HMGA2: variants seen among roughly 807,000 people sequenced by gnomAD.
The protein encoded by HMGA2 is high mobility group AT-hook 2, also known as high mobility group protein HMGI-C.
In HMGA2, 8 loss-of-function variants were observed where a neutral mutation model predicts 19.1. The observed-to-expected ratio is 0.42, with a 90% CI of 0.25 to 0.76. The LOEUF (loss-of-function observed/expected upper bound fraction) is 0.76. HMGA2 is among the 30% of genes least tolerant of loss of function. The pLI, the probability that HMGA2 is intolerant of heterozygous loss-of-function variation, is 0.28. For missense variants in HMGA2, 109 were observed against 136.3 expected, an observed-to-expected ratio of 0.80 and a Z score of 1.00; for synonymous variants, 60 against 48.8, an observed-to-expected ratio of 1.23 and a Z score of -0.96.
intron 3 of HMGA2, chr12:65,843,037 G>A (rs1003590465): frequency 3.2e-5 from 9 of 284,648 alleles, no homozygotes; most frequent in Non-Finnish European, 5.4e-5. Context: ...ACTTTTAGGT[G>A]TTTTGTTCTC....
chr12:65,855,530 C>T (rs1205244517), intron 3 of HMGA2, among the ~76,000 whole-genome samples: 1 of 150,148 alleles, frequency 6.7e-6, no homozygotes, highest in Non-Finnish European at 1.5e-5. Context: ...AGGCAGATGG[C>T]CAAGTTGCCC....
At chr12:65,937,226 T>C (rs1592457153) in intron 3 of HMGA2, among the ~76,000 whole-genome samples, 1 of 152,202 alleles carries the variant, frequency 6.6e-6, no homozygotes, top group Admixed American at 6.5e-5. Context: ...AACTGTGTAT[T>C]ATCTAGAGCC....
At chr12:65,902,706 T>C (rs1215130214) in intron 3 of HMGA2, among the ~76,000 whole-genome samples, 1 of 152,190 alleles carries the variant, frequency 6.6e-6, no homozygotes, top group Non-Finnish European at 1.5e-5. Context: ...TGTTTTGGTA[T>C]CTTTTTACAT....
At chr12:65,908,848 T>C (rs1055539308) in intron 3 of HMGA2, among the ~76,000 whole-genome samples, 38 of 152,222 alleles carry the variant, frequency 2.5e-4, no homozygotes, top group Non-Finnish European at 3.4e-4. Context: ...AAAAGGCTTT[T>C]TTTGTTACAA....
At chr12:65,908,121 T>C (rs1312546860) in intron 3 of HMGA2, among the ~76,000 whole-genome samples, 1 of 152,210 alleles carries the variant, frequency 6.6e-6, no homozygotes, top group Non-Finnish European at 1.5e-5. Context: ...TTTGCCTAAA[T>C]TTGGTATAAT....
chr12:65,855,508 G>C (rs919749722), intron 3 of HMGA2, among the ~76,000 whole-genome samples: 1 of 147,042 alleles, frequency 6.8e-6, no homozygotes, highest in African/African-American at 2.6e-5. Context: ...GCTGTGCTAA[G>C]ATGCAAACAC....
At chr12:65,930,096 T>C (rs111833211) in intron 3 of HMGA2, among the ~76,000 whole-genome samples, 3,653 of 152,282 alleles carry the variant, frequency 0.024, 74 homozygotes, top group Non-Finnish European at 0.04. Flanking sequence ...TATAGTTGAA[T>C]GCTTACAAGA....
chr12:65,886,112 A>G (rs1873646067), intron 3 of HMGA2, among the ~76,000 whole-genome samples: 1 of 152,158 alleles, frequency 6.6e-6, no homozygotes, highest in East Asian at 1.9e-4. Flanking sequence ...GGTTAAACTG[A>G]ATCAAGAAAA....
chr12:65,908,231 G>A (rs572623811), intron 3 of HMGA2, among the ~76,000 whole-genome samples: 106 of 152,120 alleles, frequency 7.0e-4, no homozygotes, highest in Non-Finnish European at 1.2e-3. Context: ...CATTACATGC[G>A]AAGGGCAGCC....
rs149327179 is a variant in HMGA2, at chr12:65,924,791, C to G, written c.250-26592C>G. 5.4e-3 allele frequency among the ~76,000 whole-genome samples: 819 copies of G among 152,212 alleles called. 2 individuals carry two copies. Among genetic ancestry groups the G allele is most frequent in the South Asian group, 0.015 (73 of 4,820 alleles). On this transcript the variant is annotated intron_variant, in intron 3 of 4. Coordinates refer to ENST00000403681, the MANE Select transcript of HMGA2 (RefSeq NM_003483.6). ...CCAGCCTGGCAGTAGAGCAAGACTC[C>G]GTCTCCAAAAAAACAAAAAAAGTAA...
At chr12:65,938,849 G>A (rs1277044543) in intron 3 of HMGA2, among the ~76,000 whole-genome samples, 2 of 151,848 alleles carry the variant, frequency 1.3e-5, no homozygotes, top group Non-Finnish European at 2.9e-5. Flanking sequence ...CTTTTTTTTA[G>A]AGATAGAGTT....
intron 3 of HMGA2, among the ~76,000 whole-genome samples, chr12:65,908,625 T>C (rs1018815558): frequency 6.6e-6 from 1 of 152,226 alleles, no homozygotes; most frequent in African/African-American, 2.4e-5. Context: ...TTAAAATTAT[T>C]TGTTTATGCA....
intron 3 of HMGA2, among the ~76,000 whole-genome samples, chr12:65,911,793 G>A (rs764110528): frequency 8.5e-5 from 13 of 152,224 alleles, no homozygotes; most frequent in South Asian, 8.3e-4. Context: ...CAGAGCATCC[G>A]TGTAGAAATA....
intron 3 of HMGA2, among the ~76,000 whole-genome samples, chr12:65,847,725 C>T (rs1280759003): frequency 6.6e-6 from 1 of 152,038 alleles, no homozygotes; most frequent in African/African-American, 2.4e-5. Flanking sequence ...AAATGAGAAG[C>T]CATCAAAAAA....
chr12:65,860,553 C>T (rs1565711180), intron 3 of HMGA2, among the ~76,000 whole-genome samples: 1 of 152,292 alleles, frequency 6.6e-6, no homozygotes, highest in South Asian at 2.1e-4. Flanking sequence ...TCCTTGAGAA[C>T]AGTTTTGCAT....
intron 3 of HMGA2, among the ~76,000 whole-genome samples, chr12:65,895,947 G>T (rs1230179389): frequency 6.6e-6 from 1 of 152,142 alleles, no homozygotes; most frequent in African/African-American, 2.4e-5. Flanking sequence ...TGAGGAGTGC[G>T]TTTGCATGTG....
chr12:65,909,783 A>T (rs1240896153), intron 3 of HMGA2, among the ~76,000 whole-genome samples: 1 of 152,174 alleles, frequency 6.6e-6, no homozygotes, highest in Non-Finnish European at 1.5e-5. Flanking sequence ...AAATCCATTG[A>T]ACATAGTTTT....
chr12:65,889,304 AC>A (rs1182106989), intron 3 of HMGA2, among the ~76,000 whole-genome samples: 2 of 152,214 alleles, frequency 1.3e-5, no homozygotes, highest in African/African-American at 2.4e-5. Flanking sequence ...ACTTCAGCAT[AC>A]CACGAGCTGC....
At chr12:65,927,831 C>CTGTGTG (rs143707177) in intron 3 of HMGA2, among the ~76,000 whole-genome samples, 33,681 of 144,624 alleles carry the variant, frequency 0.23, 4,106 homozygotes, top group South Asian at 0.37. Context: ...CTCTTTGTAT[C>CTGTGTG]TGTGTGTGTG....
Sources: gnomAD v4.1 joint callset for allele counts (sites outside exome capture counted in the v4.1 genomes callset) on GRCh38, gnomAD v4.1.1 for gene constraint, MANE v1.5 for transcripts, NCBI Gene and HGNC (gene_info 2026-07-23, HGNC 2026-07-21) for gene names.